The following GPC6 variants were observed in gnomAD, a reference collection of about 807,000 sequenced individuals.
GPC6 encodes the protein glypican 6.
Under a neutral mutation model 55.2 loss-of-function variants are expected in GPC6, and 14 were observed. The observed-to-expected ratio is 0.25, with a 90% CI of 0.17 to 0.40. GPC6 has a LOEUF of 0.40. Among genes scored for constraint, GPC6 ranks in the 10% least tolerant of loss-of-function variants. GPC6 has a pLI of 1.00. For synonymous variants in GPC6, 278 were observed against 259.6 expected (o/e 1.07, Z -0.68); for missense variants, 641 against 708.5 (o/e 0.90, Z 1.08).
chr13:93,896,156 C>T (rs1189514976), intron 3 of GPC6, among the ~76,000 whole-genome samples: 3 of 151,882 alleles, frequency 2.0e-5, no homozygotes, highest in Admixed American at 6.6e-5. Flanking sequence ...ACATGTACCC[C>T]GATAAATACG....
At chr13:94,117,696 A>G (rs1886480389) in intron 4 of GPC6, among the ~76,000 whole-genome samples, 1 of 152,118 alleles carries the variant, frequency 6.6e-6, no homozygotes, top group African/African-American at 2.4e-5. Flanking sequence ...AGGAAAGAAC[A>G]CTTAAACTTC....
rs553571511 is a variant in GPC6, at chr13:93,849,465, G to A, written c.711+18920G>A. Among the ~76,000 whole-genome samples the A allele has an allele frequency of 7.9e-5, 12 of 152,194 alleles. No individual in the cohort carries two copies. In the East Asian group the frequency reaches 2.3e-3, roughly 29 times the overall value. On this transcript the variant is annotated intron_variant, in intron 3 of 8. Coordinates refer to ENST00000377047, the MANE Select transcript of GPC6 (RefSeq NM_005708.5). ...AAGACATTGTAGATGAATGAAAGATGAATGACTGAATATAAGCTGAGAAGG... is the reference window on the plus strand; with the variant it reads ...AAGACATTGTAGATGAATGAAAGATAAATGACTGAATATAAGCTGAGAAGG...
chr13:93,704,987 G>T (rs1318958296), intron 2 of GPC6, among the ~76,000 whole-genome samples: 1 of 151,776 alleles, frequency 6.6e-6, no homozygotes, highest in Non-Finnish European at 1.5e-5. Flanking sequence ...CTGTTCCTTG[G>T]CCTGAGCACT....
At chr13:93,514,896 T>C (rs1881126639) in intron 1 of GPC6, among the ~76,000 whole-genome samples, 2 of 152,200 alleles carry the variant, frequency 1.3e-5, no homozygotes, top group Admixed American at 6.5e-5. Flanking sequence ...TGGCATTGCT[T>C]GTTATATGAA....
At chr13:93,916,343 G>A (rs895776731) in intron 3 of GPC6, among the ~76,000 whole-genome samples, 1 of 152,076 alleles carries the variant, frequency 6.6e-6, no homozygotes, top group African/African-American at 2.4e-5. Flanking sequence ...GCTGCTTTTT[G>A]GTTGGTGGCT....
intron 3 of GPC6, among the ~76,000 whole-genome samples, chr13:93,906,896 T>C (rs1022367656): frequency 6.6e-6 from 1 of 152,180 alleles, no homozygotes; most frequent in African/African-American, 2.4e-5. Context: ...TGTTAACTAG[T>C]AGATACATAT....
rs186215245 is a variant in GPC6, at chr13:93,440,514, A to G, written c.161-104749A>G. Reference sequence around the variant, plus strand: ...CCATTTATTCCTTAATGTCTTACCAAGTACCCAGGCACCTGCTAGGTATTA... The same window carrying G: ...CCATTTATTCCTTAATGTCTTACCAGGTACCCAGGCACCTGCTAGGTATTA... On this transcript the variant is annotated intron_variant, in intron 1 of 8. Coordinates refer to ENST00000377047, the MANE Select transcript of GPC6 (RefSeq NM_005708.5). Among the ~76,000 whole-genome samples, 35 of 152,346 alleles carry G rather than the reference A, an allele frequency of 2.3e-4. 1 individual carries two copies. The East Asian group carries it at 6.8e-3, about 29-fold the overall frequency.
chr13:93,973,820 A>G (rs1486843445), intron 3 of GPC6, among the ~76,000 whole-genome samples: 4 of 152,162 alleles, frequency 2.6e-5, no homozygotes, highest in Non-Finnish European at 2.9e-5. Flanking sequence ...AGAAGGTCCT[A>G]TAGTTTTTTA....
At chr13:94,269,057 C>T (rs560559719) in intron 4 of GPC6, among the ~76,000 whole-genome samples, 65 of 151,876 alleles carry the variant, frequency 4.3e-4, no homozygotes, top group South Asian at 2.7e-3. Context: ...CAAAATGAGG[C>T]GAAGAATAAC....
intron 2 of GPC6, among the ~76,000 whole-genome samples, chr13:93,571,233 G>C (rs1009341278): frequency 6.6e-6 from 1 of 152,008 alleles, no homozygotes; most frequent in African/African-American, 2.4e-5. Flanking sequence ...CTCTCAATGC[G>C]CAAACAGGCA....
chr13:94,343,310 C>T (rs1014631672), intron 6 of GPC6, among the ~76,000 whole-genome samples: 1 of 152,186 alleles, frequency 6.6e-6, no homozygotes, highest in Non-Finnish European at 1.5e-5. Context: ...GTGACACCGG[C>T]TACATGGATT....
At chr13:94,158,691 G>A (rs1168418076) in intron 4 of GPC6, among the ~76,000 whole-genome samples, 1 of 151,900 alleles carries the variant, frequency 6.6e-6, no homozygotes, top group Admixed American at 6.6e-5. Flanking sequence ...GATAAACTCT[G>A]TAAGTGGTAA....
rs114807439 is a variant in GPC6, at chr13:94,145,959, A to T, written c.877+118065A>T. Among the ~76,000 whole-genome samples the T allele has an allele frequency of 5.5e-3, 833 of 152,312 alleles. 10 individuals carry two copies. The highest frequency in any genetic ancestry group is 0.019 in the African/African-American group (800 of 41,568). On this transcript the variant is annotated intron_variant, in intron 4 of 8. Transcript: ENST00000377047. Reference sequence around the variant, plus strand: ...GACTTCTCTGTGTCTGCAATGAAAGAAGTCTGAGCTAAGATTTTATTTAGA... The same window carrying T: ...GACTTCTCTGTGTCTGCAATGAAAGTAGTCTGAGCTAAGATTTTATTTAGA...
chr13:93,512,516 T>C (rs939985769), intron 1 of GPC6, among the ~76,000 whole-genome samples: 2 of 152,180 alleles, frequency 1.3e-5, no homozygotes, highest in Non-Finnish European at 2.9e-5. Flanking sequence ...AAATCCTACT[T>C]GATCATGGTG....
At chr13:93,854,670 A>G (rs920875308) in intron 3 of GPC6, among the ~76,000 whole-genome samples, 1 of 151,780 alleles carries the variant, frequency 6.6e-6, no homozygotes, top group Non-Finnish European at 1.5e-5. Flanking sequence ...TATTGACTAC[A>G]GAGTATTCTT....
At chr13:94,089,238 G>A (rs1306168566) in intron 4 of GPC6, among the ~76,000 whole-genome samples, 4 of 152,150 alleles carry the variant, frequency 2.6e-5, no homozygotes. Flanking sequence ...TGCAGACTCT[G>A]CACTGTGATT....
At chr13:93,311,674 G>A (rs765839546) in intron 1 of GPC6, among the ~76,000 whole-genome samples, 1 of 152,108 alleles carries the variant, frequency 6.6e-6, no homozygotes, top group East Asian at 1.9e-4. Flanking sequence ...TAGATTCTTT[G>A]TAAACAAATA....
intron 4 of GPC6, among the ~76,000 whole-genome samples, chr13:94,183,844 G>A (rs1199395077): frequency 6.6e-6 from 1 of 152,104 alleles, no homozygotes; most frequent in Non-Finnish European, 1.5e-5. Context: ...TTGGTATTTG[G>A]GGAGATTATT....
chr13:93,225,658 G>A (rs756438072), upstream of GPC6, among the ~76,000 whole-genome samples: 2 of 152,030 alleles, frequency 1.3e-5, no homozygotes, highest in Non-Finnish European at 2.9e-5. Context: ...TAGGAGAGGG[G>A]GAATTTATTA....
Sources: allele counts gnomAD v4.1 joint callset (sites outside exome capture counted in the v4.1 genomes callset), GRCh38; gene constraint gnomAD v4.1.1; transcripts MANE v1.5; gene names NCBI Gene and HGNC (gene_info 2026-07-23, HGNC 2026-07-21).